MAPT: variants seen among roughly 807,000 people sequenced by gnomAD.
MAPT encodes microtubule associated protein tau, also known as microtubule-associated protein tau.
A neutral mutation model predicts 67.9 loss-of-function variants in MAPT; 34 were observed. That is an observed-to-expected ratio of 0.50 (90% CI 0.38 to 0.67). The LOEUF is 0.67. Among genes scored for constraint, MAPT ranks in the 30% least tolerant of loss-of-function variants. The pLI, the probability that MAPT is intolerant of heterozygous loss-of-function variation, is 0.00. For synonymous variants in MAPT, 456 were observed against 464.5 expected (o/e 0.98, Z 0.23); for missense variants, 881 against 1,115.2 (o/e 0.79, Z 2.99).
At chr17:46,012,956 G>T (rs1598389406) in intron 10 of MAPT, among the ~76,000 whole-genome samples, 1 of 152,046 alleles carries the variant, frequency 6.6e-6, no homozygotes, top group African/African-American at 2.4e-5. Context: ...GATCATGTCC[G>T]CCCTGACACA....
chr17:46,014,466 G>A, intron 11 of MAPT, 142 bp downstream of exon 11: 6 of 719,836 alleles, frequency 8.3e-6, no homozygotes, highest in Middle Eastern at 3.4e-4. Flanking sequence ...TGTTGAGTGT[G>A]AAACTTGCGG....
intron 1 of MAPT, among the ~76,000 whole-genome samples, chr17:45,933,245 C>CTTTTTTT (rs61564191): frequency 4.3e-5 from 6 of 139,210 alleles, no homozygotes; most frequent in Non-Finnish European, 6.2e-5. Context: ...CTCTCTCTCC[C>CTTTTTTT]TTTTTTTTTT....
At chr17:45,987,176 T>C (rs2073635996) in intron 6 of MAPT, 81 bp downstream of exon 6, 3 of 1,304,330 alleles carry the variant, frequency 2.3e-6, no homozygotes, top group South Asian at 2.4e-5. Flanking sequence ...CATTCTCATA[T>C]ATAATGTGGG....
At chr17:45,903,588 G>C (rs1461226732) in intron 1 of MAPT, among the ~76,000 whole-genome samples, 1 of 148,208 alleles carries the variant, frequency 6.7e-6, no homozygotes, top group Non-Finnish European at 1.5e-5. Flanking sequence ...GGTGGCGGGC[G>C]CCTGTAGTCC....
Position 46,024,195 on chromosome 17 carries a change from A to G in MAPT, c.*24A>G, listed in dbSNP as rs370245163. ...GATCAGGCCCCTGGGGCGGTCAATAATTGTGGAGAGGAGAGAATGAGAGAG... is the reference window on the plus strand; with the variant it reads ...GATCAGGCCCCTGGGGCGGTCAATAGTTGTGGAGAGGAGAGAATGAGAGAG... On this transcript the variant is annotated 3_prime_UTR_variant, in exon 13 of 13. Coordinates refer to ENST00000262410, the MANE Select transcript of MAPT (RefSeq NM_001377265.1). 1.7e-4 allele frequency: 279 copies of G among 1,598,816 alleles called. No individual in the cohort carries two copies. The highest frequency in any genetic ancestry group is 6.6e-4 in the Middle Eastern group (4 of 6,038).
rs183601216 is a variant in MAPT, at chr17:45,938,727, C to T, written c.-17-23594C>T. ...GTATGATCACAGCTCACTGCAGCCT[C>T]GACGTCTCTGGGCTCAGGTGATCCT... On this transcript the variant is annotated intron_variant, in intron 1 of 12. Coordinates refer to ENST00000262410, the MANE Select transcript of MAPT (RefSeq NM_001377265.1). Among the ~76,000 whole-genome samples the T allele has an allele frequency of 4.1e-3, 620 of 151,942 alleles. 6 individuals are homozygous for T. Among genetic ancestry groups the T allele is most frequent in the Non-Finnish European group, 3.9e-3 (264 of 67,966 alleles).
At position 45,996,479 on chromosome 17, in the gene MAPT, C is replaced by T; in HGVS notation, c.1813C>T (p.Pro605Ser). 2 of 1,613,380 alleles carry T rather than the reference C, an allele frequency of 1.2e-6. No individual in the cohort carries two copies. Among genetic ancestry groups the T allele is most frequent in the Non-Finnish European group, 1.7e-6 (2 of 1,179,932 alleles). The change falls in exon 9 of 13, where the codon CCG becomes TCG. Residue 605 changes from proline (P) to serine (S), a missense_variant. Pro to Ser is a moderately conservative substitution (Grantham distance 74, BLOSUM62 -1). Coordinates refer to ENST00000262410, the MANE Select transcript of MAPT (RefSeq NM_001377265.1). The surrounding 1 kb of genome is among the most constrained non-coding windows in gnomAD (Gnocchi z 4.5). ...CACTCCCGGCAGCCGCTCCCGCACC[C>T]CGTCCCTTCCAACCCCACCCACCCG... The part of the protein sequence containing the change: ...PGTPGSRSRT[P>S]SLPTPPTREP...
chr17:45,904,299 TA>T, intron 1 of MAPT, among the ~76,000 whole-genome samples: 2 of 46,102 alleles, frequency 4.3e-5, no homozygotes, highest in Non-Finnish European at 9.0e-5. Context: ...GTATAATATA[TA>T]ATATATATAA....
At chr17:45,941,256 G>A (rs77416558) in intron 1 of MAPT, among the ~76,000 whole-genome samples, 1 of 152,156 alleles carries the variant, frequency 6.6e-6, no homozygotes, top group Admixed American at 6.5e-5. Context: ...TCTTTATTGA[G>A]ATGATCATTC....
chr17:46,024,561 A>C lies in MAPT; in HGVS notation c.*390A>C. 1 of 346,214 alleles carries C rather than the reference A, an allele frequency of 2.9e-6. No individual in the cohort carries two copies. The highest frequency in any genetic ancestry group is 5.6e-6 in the Non-Finnish European group (1 of 179,922). The allele number at this position is 346,214 out of a possible 1,614,324, so 21.4% of individuals were successfully genotyped here. On this transcript the variant is annotated 3_prime_UTR_variant, in exon 13 of 13. Transcript: ENST00000262410. The stretch of plus-strand genomic sequence containing the variant: ...GGATTTCAAGGGACTGGGGGTGCCA[A>C]CCACCTCTGGCCCTGTTGTGGGGGT...
In MAPT at chr17:45,895,046, G is replaced by GGTGT. The variant is rs1404998774; in HGVS notation, c.-18+361_-18+362insTGTG. ...TCGACTGCAGCCTTTTGCCGCAATG[G>GGTGT]GCGTGTGTGTGTGTGTGTGTGTGTG... On this transcript the variant is annotated intron_variant, in intron 1 of 12. Transcript: ENST00000262410. 267 of 134,248 alleles carry GGTGT rather than the reference G, an allele frequency of 2.0e-3. 2 individuals carry two copies. The highest frequency in any genetic ancestry group is 7.5e-3 in the African/African-American group (235 of 31,328). 8.3% of individuals were successfully genotyped at this position (134,248 alleles called of 1,614,324 possible).
intron 10 of MAPT, among the ~76,000 whole-genome samples, chr17:46,013,319 G>T (rs12150515): frequency 0.14 from 21,820 of 152,260 alleles, 2,135 homozygotes; most frequent in Non-Finnish European, 0.22. Context: ...AGCCATGGCT[G>T]CATAGAGGCC....
At chr17:45,969,945 C>T (rs369975989) in intron 2 of MAPT, among the ~76,000 whole-genome samples, 3 of 151,774 alleles carry the variant, frequency 2.0e-5, no homozygotes, top group Admixed American at 2.0e-4. Flanking sequence ...ATCCATTCAT[C>T]CATCCATCCA....
At position 45,932,465 on chromosome 17, in the gene MAPT, C is replaced by T. The variant is rs187797408; in HGVS notation, c.-17-29856C>T. Among the ~76,000 whole-genome samples the T allele has an allele frequency of 9.5e-4, 144 of 151,930 alleles. 1 individual carries two copies. The highest frequency in any genetic ancestry group is 3.3e-3 in the African/African-American group (138 of 41,420). The stretch of plus-strand genomic sequence containing the variant: ...ATTAGCCAGGCATGATGGTGGGTGC[C>T]TGTAATCCCAGCTACTCGGGAGGCT... On this transcript the variant is annotated intron_variant, in intron 1 of 12. Coordinates refer to ENST00000262410, the MANE Select transcript of MAPT (RefSeq NM_001377265.1).
At chr17:45,921,843 G>A (rs1020293507) in intron 1 of MAPT, among the ~76,000 whole-genome samples, 1 of 151,870 alleles carries the variant, frequency 6.6e-6, no homozygotes, top group Non-Finnish European at 1.5e-5. Context: ...GGACGTCTTG[G>A]GGGTATTCTG....
chr17:45,921,201 G>A (rs867117511), intron 1 of MAPT, among the ~76,000 whole-genome samples: 3 of 152,110 alleles, frequency 2.0e-5, no homozygotes, highest in Admixed American at 6.5e-5. Context: ...GTGTAAATTC[G>A]GGGTATTTCT....
chr17:46,003,453 ATTTTT>A (rs2075186192), intron 9 of MAPT, among the ~76,000 whole-genome samples: 1 of 151,826 alleles, frequency 6.6e-6, no homozygotes, highest in Non-Finnish European at 1.5e-5. Flanking sequence ...AAATTTTTAT[ATTTTT>A]AGTAGAGGAG....
At chr17:45,997,928 G>A (rs1203892713) in intron 9 of MAPT, among the ~76,000 whole-genome samples, 4 of 152,224 alleles carry the variant, frequency 2.6e-5, no homozygotes, top group South Asian at 4.1e-4. Flanking sequence ...GTGAATTTGC[G>A]GGGACCACAA....
At chr17:46,021,883 CT>C (rs1568344505) in intron 12 of MAPT, among the ~76,000 whole-genome samples, 1 of 152,180 alleles carries the variant, frequency 6.6e-6, no homozygotes, top group African/African-American at 2.4e-5. Flanking sequence ...CATTAGTCCC[CT>C]GTTTTCCCAG....
Sources: allele counts gnomAD v4.1 joint callset (sites outside exome capture counted in the v4.1 genomes callset), GRCh38; gene constraint gnomAD v4.1.1; non-coding constraint Gnocchi (gnomAD v3.1); transcripts MANE v1.5; gene names NCBI Gene and HGNC (gene_info 2026-07-23, HGNC 2026-07-21).